The following SRGN variants were observed in gnomAD, a reference collection of about 807,000 sequenced individuals.
SRGN encodes the protein hematopoetic proteoglycan core peptide.
In SRGN, 2 loss-of-function variants were observed where a neutral mutation model predicts 9.5. The ratio of observed to expected loss-of-function variants is 0.21; its 90% CI spans 0.09 to 0.66. SRGN has a LOEUF of 0.66. Ranked by LOEUF, SRGN falls within the 30% of genes least tolerant of loss-of-function variation. The pLI is 0.83. For missense variants in SRGN, 170 were observed against 192.4 expected (o/e 0.88, Z 0.69); for synonymous variants, 59 against 72.3 (o/e 0.82, Z 0.93).
At chr10:69,102,045 T>C (rs1840303272) in intron 2 of SRGN, among the ~76,000 whole-genome samples, 1 of 151,920 alleles carries the variant, frequency 6.6e-6, no homozygotes, top group Non-Finnish European at 1.5e-5. Context: ...GGAGGCCCTT[T>C]CTGTAAAAAA....
At chr10:69,090,112 T>C (rs1263762250) in intron 1 of SRGN, among the ~76,000 whole-genome samples, 1 of 152,180 alleles carries the variant, frequency 6.6e-6, no homozygotes, top group Non-Finnish European at 1.5e-5. Context: ...CTCAAGGGCT[T>C]GTGCCCACAT....
intron 2 of SRGN, among the ~76,000 whole-genome samples, chr10:69,100,035 A>T (rs1180283577): frequency 1.4e-4 from 21 of 152,162 alleles, no homozygotes; most frequent in Admixed American, 1.4e-3. Flanking sequence ...AGCCTGGCCA[A>T]CATGGCGGAA....
intron 2 of SRGN, among the ~76,000 whole-genome samples, chr10:69,099,047 C>G (rs1840236518): frequency 6.6e-6 from 1 of 152,004 alleles, no homozygotes; most frequent in African/African-American, 2.4e-5. Context: ...TCACATAAAA[C>G]TTGCTTTAAA....
chr10:69,093,475 G>A (rs1446947084), intron 1 of SRGN, among the ~76,000 whole-genome samples: 2 of 152,164 alleles, frequency 1.3e-5, no homozygotes, highest in South Asian at 2.1e-4. Context: ...TGAAGACACC[G>A]CCCTCTGCTG....
upstream of SRGN, chr10:69,088,041 G>C: frequency 1.3e-6 from 1 of 770,986 alleles, no homozygotes; most frequent in Non-Finnish European, 2.2e-6. Context: ...ATTGTGACGT[G>C]TGTTCTGGGC....
In SRGN at chr10:69,104,285, T is replaced by A; in HGVS notation, c.*165T>A. 1 of 973,626 alleles carries A rather than the reference T, an allele frequency of 1.0e-6. No individual in the cohort carries two copies. The highest frequency in any genetic ancestry group is 1.5e-6 in the Non-Finnish European group (1 of 685,890). The allele number at this position is 973,626 out of a possible 1,614,324, so 60.3% of individuals were successfully genotyped here. A position where few individuals can be genotyped will look rare whatever the true frequency, so the allele number is the denominator to read the frequency against. On this transcript the variant is annotated 3_prime_UTR_variant, in exon 3 of 3. Transcript: ENST00000242465. The stretch of plus-strand genomic sequence containing the variant: ...TTTTTTCTCATGAATTCTTAAAGGA[T>A]TATGCTTTAATGCTGTTATCTATTT...
At chr10:69,099,845 C>A (rs1299348965) in intron 2 of SRGN, among the ~76,000 whole-genome samples, 1 of 152,156 alleles carries the variant, frequency 6.6e-6, no homozygotes, top group Non-Finnish European at 1.5e-5. Flanking sequence ...TGCCTGTAAT[C>A]CCCCCAGTTT....
At chr10:69,097,456 T>TTG (rs1840200045) in intron 2 of SRGN, among the ~76,000 whole-genome samples, 1 of 107,058 alleles carries the variant, frequency 9.3e-6, no homozygotes, top group Non-Finnish European at 2.0e-5. Context: ...AGACGGAGTC[T>TTG]CAGTCTGTCG....
upstream of SRGN, chr10:69,088,008 A>G: frequency 1.7e-6 from 1 of 597,452 alleles, no homozygotes. Context: ...TTTGATGTGG[A>G]TGTCTTTCTA....
At chr10:69,103,719 A>G (rs1293910699) in intron 2 of SRGN, 152 bp from the exon 3 acceptor site, 1 of 886,264 alleles carries the variant, frequency 1.1e-6, no homozygotes, top group Non-Finnish European at 1.7e-6. Flanking sequence ...TGTTGATTTT[A>G]AAACATTGAA....
chr10:69,089,731 C>CA (rs1383966823), intron 1 of SRGN, among the ~76,000 whole-genome samples: 2 of 151,234 alleles, frequency 1.3e-5, no homozygotes, highest in Non-Finnish European at 2.9e-5. Flanking sequence ...CCGTCTCTAC[C>CA]AAAAATACAA....
chr10:69,093,297 C>T (rs1840103066), intron 1 of SRGN, among the ~76,000 whole-genome samples: 1 of 152,180 alleles, frequency 6.6e-6, no homozygotes, highest in Admixed American at 6.5e-5. Flanking sequence ...ATAACTTTTA[C>T]ATTGATGATA....
At position 69,104,533 on chromosome 10, in the gene SRGN, A is replaced by C. The variant is rs549011630; in HGVS notation, c.*413A>C. On this transcript the variant is annotated 3_prime_UTR_variant, in exon 3 of 3. Transcript: ENST00000242465. ...GCCCCTTTTCTTATAAAAACAAAAA[A>C]AAAAATAATGAAACACAGTGAATTT... 2.7e-4 allele frequency: 42 copies of C among 156,912 alleles called. No individual in the cohort carries two copies. The highest frequency in any genetic ancestry group is 9.9e-4 in the African/African-American group (41 of 41,586). The allele number at this position is 156,912 out of a possible 1,614,324, so 9.7% of individuals were successfully genotyped here.
chr10:69,104,106 G>A lies in SRGN; in HGVS notation c.463G>A (p.Asp155Asn), dbSNP rs1840348706. 3.1e-6 allele frequency: 5 copies of A among 1,612,950 alleles called. No individual in the cohort carries two copies. Among genetic ancestry groups the A allele is most frequent in the Non-Finnish European group, 4.2e-6 (5 of 1,179,138 alleles). The change falls in exon 3 of 3, where the codon GAT (aspartate) becomes AAT (asparagine). Residue 155 changes from aspartate to asparagine, a missense_variant. By Grantham distance (23) the Asp-to-Asn change is conservative. Coordinates refer to ENST00000242465, the MANE Select transcript of SRGN (RefSeq NM_002727.4). ...QDLGQHGLEE[D>N]FML ...CTTGGGTCAACATGGATTAGAAGAGGATTTTATGTTATAAAAGAGGATTTT... is the reference window on the plus strand; with the variant it reads ...CTTGGGTCAACATGGATTAGAAGAGAATTTTATGTTATAAAAGAGGATTTT...
At chr10:69,087,674 C>A (rs963711279), upstream of SRGN, among the ~76,000 whole-genome samples, 1 of 151,990 alleles carries the variant, frequency 6.6e-6, no homozygotes, top group East Asian at 1.9e-4. Flanking sequence ...TGTTACTCCC[C>A]GGTGAAAAAG....
At chr10:69,088,891 G>A (rs1318922691) in intron 1 of SRGN, among the ~76,000 whole-genome samples, 1 of 152,134 alleles carries the variant, frequency 6.6e-6, no homozygotes. Context: ...CTACCATTTA[G>A]TGTTGTTTAG....
upstream of SRGN, among the ~76,000 whole-genome samples, chr10:69,087,603 A>G (rs1302574246): frequency 6.6e-6 from 1 of 151,236 alleles, no homozygotes; most frequent in Non-Finnish European, 1.5e-5. Context: ...CCGACAACTC[A>G]TTCTTGAAGG....
At chr10:69,088,470 G>A (rs1839984998) in intron 1 of SRGN, among the ~76,000 whole-genome samples, 1 of 152,090 alleles carries the variant, frequency 6.6e-6, no homozygotes, top group Non-Finnish European at 1.5e-5. Flanking sequence ...ATTGAAATGT[G>A]CTATTTTGGG....
Position 69,104,527 on chromosome 10 carries a change from CA to C in SRGN, c.*418del, listed in dbSNP as rs11310039. 114,255 of 152,854 alleles carry C rather than the reference CA, an allele frequency of 0.75. 42,888 individuals carry two copies. Among genetic ancestry groups the C allele is most frequent in the East Asian group, 0.92 (4,825 of 5,220 alleles). 9.5% of individuals were successfully genotyped at this position (152,854 alleles called of 1,614,324 possible). Reference sequence around the variant, plus strand: ...TGATATGCCCCTTTTCTTATAAAAACAAAAAAAAAAATAATGAAACACAGTG... The same window carrying C: ...TGATATGCCCCTTTTCTTATAAAAACAAAAAAAAAATAATGAAACACAGTG... On this transcript the variant is annotated 3_prime_UTR_variant, in exon 3 of 3. Coordinates refer to ENST00000242465, the MANE Select transcript of SRGN (RefSeq NM_002727.4).
Sources: gnomAD v4.1 joint callset for allele counts (sites outside exome capture counted in the v4.1 genomes callset) on GRCh38, gnomAD v4.1.1 for gene constraint, MANE v1.5 for transcripts, NCBI Gene and HGNC (gene_info 2026-07-23, HGNC 2026-07-21) for gene names.